Variants in KCNB2 observed in about 807,000 individuals in gnomAD.
KCNB2 encodes the protein potassium voltage-gated channel subfamily B member 2, also known as delayed rectifier potassium channel protein.
A neutral mutation model predicts 61.5 loss-of-function variants in KCNB2; 15 were observed. The observed-to-expected ratio is 0.24, with a 90% CI of 0.16 to 0.38. The LOEUF (loss-of-function observed/expected upper bound fraction) is 0.38, where lower values mean the gene tolerates loss of function less well. KCNB2 is among the 10% of genes least tolerant of loss of function. The probability of loss-of-function intolerance (pLI) is 1.00; values close to 1 mark genes in which losing one functional copy is unlikely to be tolerated. For missense variants in KCNB2, 828 were observed against 1,125.2 expected, an observed-to-expected ratio of 0.74 and a Z score of 3.78; for synonymous variants, 457 against 446.0, an observed-to-expected ratio of 1.02 and a Z score of -0.31.
intron 2 of KCNB2, among the ~76,000 whole-genome samples, chr8:72,869,147 G>A (rs1365725129): frequency 6.6e-6 from 1 of 152,122 alleles, no homozygotes; most frequent in Non-Finnish European, 1.5e-5. Flanking sequence ...TAAGAACTGG[G>A]GTATGGTTGA....
At chr8:72,631,991 C>G (rs528353607) in intron 2 of KCNB2, among the ~76,000 whole-genome samples, 1 of 152,208 alleles carries the variant, frequency 6.6e-6, no homozygotes, top group East Asian at 1.9e-4. Flanking sequence ...AATCTCAACA[C>G]TTGGGGAGGC....
intron 2 of KCNB2, among the ~76,000 whole-genome samples, chr8:72,818,544 C>T (rs1481684573): frequency 6.6e-6 from 1 of 152,182 alleles, no homozygotes; most frequent in Non-Finnish European, 1.5e-5. Flanking sequence ...TGAACTAACA[C>T]AGTGCCATGC....
At chr8:72,715,334 C>T (rs896494080) in intron 2 of KCNB2, among the ~76,000 whole-genome samples, 1 of 152,176 alleles carries the variant, frequency 6.6e-6, no homozygotes. Context: ...ACAGAACTGT[C>T]CACCCCAAAT....
At chr8:72,629,410 T>A (rs1289252689) in intron 2 of KCNB2, among the ~76,000 whole-genome samples, 4 of 152,182 alleles carry the variant, frequency 2.6e-5, no homozygotes, top group Non-Finnish European at 4.4e-5. Flanking sequence ...TCTATCTTTG[T>A]TTTACACAGT....
chr8:72,849,453 T>G (rs1031561261), intron 2 of KCNB2, among the ~76,000 whole-genome samples: 2 of 152,188 alleles, frequency 1.3e-5, no homozygotes, highest in African/African-American at 4.8e-5. Context: ...AGTTTTCATC[T>G]TCTCTCACTG....
At chr8:72,824,358 G>T (rs1214434501) in intron 2 of KCNB2, among the ~76,000 whole-genome samples, 2 of 152,034 alleles carry the variant, frequency 1.3e-5, no homozygotes, top group African/African-American at 4.8e-5. Context: ...TGTGCCATGT[G>T]TCTCTGTACT....
In KCNB2 at chr8:72,725,601, A is replaced by G. The variant is rs202154685; in HGVS notation, c.579+157288A>G. The stretch of plus-strand genomic sequence containing the variant: ...TATATATATATGTATGTATATATAT[A>G]TATATATATATATATATATATGCAT... On this transcript the variant is annotated intron_variant, in intron 2 of 2. Coordinates refer to ENST00000523207, the MANE Select transcript of KCNB2 (RefSeq NM_004770.3). Among the ~76,000 whole-genome samples the G allele has an allele frequency of 6.6e-3, 659 of 100,124 alleles. 12 individuals are homozygous for G. The highest frequency in any genetic ancestry group is 0.034 in the East Asian group (139 of 4,062). The allele number at this position is 100,124 out of a possible 152,430, so 65.7% of individuals were successfully genotyped here.
At chr8:72,633,830 A>G (rs1203788360) in intron 2 of KCNB2, among the ~76,000 whole-genome samples, 1 of 152,212 alleles carries the variant, frequency 6.6e-6, no homozygotes, top group Non-Finnish European at 1.5e-5. Flanking sequence ...AAACCACTGC[A>G]TACATCAACT....
intron 2 of KCNB2, among the ~76,000 whole-genome samples, chr8:72,882,997 C>T (rs1166131315): frequency 6.6e-6 from 1 of 152,170 alleles, no homozygotes; most frequent in Non-Finnish European, 1.5e-5. Context: ...CACTTCCCCT[C>T]CATTCCCGGG....
chr8:72,820,075 C>T (rs1809469102), intron 2 of KCNB2, among the ~76,000 whole-genome samples: 1 of 152,136 alleles, frequency 6.6e-6, no homozygotes, highest in Non-Finnish European at 1.5e-5. Flanking sequence ...AGATACCCAT[C>T]CTTCAGCTTA....
chr8:72,661,346 T>C (rs1246013398), intron 2 of KCNB2: 1 of 152,224 alleles, frequency 6.6e-6, no homozygotes, highest in Admixed American at 6.5e-5. Flanking sequence ...CCATATCAAT[T>C]GTTTTCTTCA....
In KCNB2 at chr8:72,873,264, T is replaced by A. The variant is rs572386907; in HGVS notation, c.580-62671T>A. 5.9e-5 allele frequency among the ~76,000 whole-genome samples: 9 copies of A among 152,308 alleles called. No homozygotes were observed. The South Asian group carries it at 1.9e-3, about 32-fold the overall frequency. On this transcript the variant is annotated intron_variant, in intron 2 of 2. Transcript: ENST00000523207. ...CGCAGAGAGGAGACCACATGTCACA[T>A]GGATTAAGGCTGCTTCATTGGTGAA...
intron 2 of KCNB2, among the ~76,000 whole-genome samples, chr8:72,843,466 G>A (rs1809931203): frequency 6.6e-6 from 1 of 152,148 alleles, no homozygotes; most frequent in South Asian, 2.1e-4. Flanking sequence ...TTGGTCCAGA[G>A]CTGAGTTCAA....
intron 2 of KCNB2, among the ~76,000 whole-genome samples, chr8:72,725,015 T>C (rs1367163970): frequency 6.6e-6 from 1 of 152,158 alleles, no homozygotes; most frequent in Non-Finnish European, 1.5e-5. Flanking sequence ...TTCCACAAAA[T>C]TGTTTTAAGG....
At chr8:72,823,787 G>T (rs1809551348) in intron 2 of KCNB2, among the ~76,000 whole-genome samples, 1 of 152,148 alleles carries the variant, frequency 6.6e-6, no homozygotes, top group Non-Finnish European at 1.5e-5. Context: ...ATGGTCTCAG[G>T]TGACACAGGA....
chr8:72,606,724 G>A (rs891188946), intron 2 of KCNB2, among the ~76,000 whole-genome samples: 1 of 152,134 alleles, frequency 6.6e-6, no homozygotes, highest in Non-Finnish European at 1.5e-5. Flanking sequence ...GGGTCCCCAC[G>A]GGGAAAAAGA....
chr8:72,642,756 G>A (rs138368178), intron 2 of KCNB2, among the ~76,000 whole-genome samples: 1 of 152,154 alleles, frequency 6.6e-6, no homozygotes, highest in Non-Finnish European at 1.5e-5. Context: ...GCTCGCTGCT[G>A]CTTCTGCAAT....
chr8:72,618,609 T>C (rs1006734331), intron 2 of KCNB2: 1 of 153,022 alleles, frequency 6.5e-6, no homozygotes, highest in Admixed American at 6.5e-5. Flanking sequence ...CATTATTATC[T>C]CTTCTAAAAA....
intron 2 of KCNB2, among the ~76,000 whole-genome samples, chr8:72,851,985 C>T (rs1339640802): frequency 6.6e-6 from 1 of 151,918 alleles, no homozygotes; most frequent in Non-Finnish European, 1.5e-5. Flanking sequence ...CCTGTAATTC[C>T]AGCATTTTGG....
Sources: allele counts gnomAD v4.1 joint callset (sites outside exome capture counted in the v4.1 genomes callset), GRCh38; gene constraint gnomAD v4.1.1; transcripts MANE v1.5; gene names NCBI Gene and HGNC (gene_info 2026-07-23, HGNC 2026-07-21).